Variants in LINGO2 observed in about 807,000 individuals in gnomAD.
LINGO2 encodes leucine rich repeat and Ig domain containing 2, also known as leucine-rich repeat and immunoglobulin-like domain-containing nogo receptor-interacting protein 2.
LINGO2 carries 14 observed loss-of-function variants against 30.6 expected under a neutral mutation model. The observed-to-expected ratio is 0.46, with a 90% CI of 0.30 to 0.72. LINGO2 has a LOEUF of 0.72. Among genes scored for constraint, LINGO2 ranks in the 30% least tolerant of loss-of-function variants. The pLI, the probability that LINGO2 is intolerant of heterozygous loss-of-function variation, is 0.07. For missense variants in LINGO2, 729 were observed against 751.7 expected (o/e 0.97, Z 0.35); for synonymous variants, 317 against 288.5 (o/e 1.10, Z -1.00).
At chr9:28,577,647 G>T (rs1233341738) in intron 1 of LINGO2, among the ~76,000 whole-genome samples, 1 of 152,132 alleles carries the variant, frequency 6.6e-6, no homozygotes, top group African/African-American at 2.4e-5. Flanking sequence ...TGGGCAGCAG[G>T]CAAGATGAAA....
chr9:28,520,932 A>G (rs1465673093), intron 1 of LINGO2, among the ~76,000 whole-genome samples: 2 of 152,038 alleles, frequency 1.3e-5, no homozygotes, highest in Non-Finnish European at 2.9e-5. Flanking sequence ...TACCTGCATC[A>G]CTCTTTGATT....
chr9:29,044,185 TA>T, the LINGO2 span, among the ~76,000 whole-genome samples: 27 of 152,096 alleles, frequency 1.8e-4, no homozygotes, highest in African/African-American at 5.5e-4. Flanking sequence ...ACAATACTGC[TA>T]AAATAATTAT....
intron 1 of LINGO2, among the ~76,000 whole-genome samples, chr9:28,510,221 C>G (rs1263066387): frequency 6.6e-6 from 1 of 152,038 alleles, no homozygotes; most frequent in Non-Finnish European, 1.5e-5. Context: ...TTAGGGGTAC[C>G]AACTCCTCAT....
At chr9:28,272,861 A>G (rs898287165) in intron 4 of LINGO2, among the ~76,000 whole-genome samples, 3 of 152,000 alleles carry the variant, frequency 2.0e-5, no homozygotes, top group Non-Finnish European at 2.9e-5. Flanking sequence ...AACTGAACCA[A>G]TCTCCAAGGA....
intron 1 of LINGO2, among the ~76,000 whole-genome samples, chr9:28,667,550 T>A (rs1828851501): frequency 6.6e-6 from 1 of 151,932 alleles, no homozygotes; most frequent in African/African-American, 2.4e-5. Context: ...TCAAGAGCAG[T>A]CTGGCCAACA....
the LINGO2 span, among the ~76,000 whole-genome samples, chr9:28,794,350 C>T: frequency 6.6e-6 from 1 of 152,086 alleles, no homozygotes; most frequent in African/African-American, 2.4e-5. Context: ...ATTGATAGTT[C>T]TGATTGGGAA....
chr9:28,785,472 T>C, the LINGO2 span, among the ~76,000 whole-genome samples: 3 of 152,168 alleles, frequency 2.0e-5, no homozygotes, highest in African/African-American at 7.2e-5. Context: ...TATACAGAAA[T>C]CGCTTTGCTT....
intron 4 of LINGO2, among the ~76,000 whole-genome samples, chr9:28,026,171 G>A (rs1269252278): frequency 6.6e-6 from 1 of 152,050 alleles, no homozygotes; most frequent in African/African-American, 2.4e-5. Context: ...TGTTTATTCT[G>A]GTAAGTTTAA....
the LINGO2 span, among the ~76,000 whole-genome samples, chr9:29,189,036 G>A: frequency 8.7e-6 from 1 of 114,502 alleles, no homozygotes; most frequent in African/African-American, 3.0e-5. Context: ...CTCCCAGACG[G>A]GGCGGCTGGC....
chr9:29,048,182 T>C, the LINGO2 span, among the ~76,000 whole-genome samples: 2 of 151,104 alleles, frequency 1.3e-5, no homozygotes, highest in South Asian at 2.1e-4. Context: ...CAATGAAAAA[T>C]GTGAAAAAGA....
At chr9:28,835,471 T>C in the LINGO2 span, among the ~76,000 whole-genome samples, 1 of 152,206 alleles carries the variant, frequency 6.6e-6, no homozygotes, top group Non-Finnish European at 1.5e-5. Flanking sequence ...TTCCACTTAG[T>C]CCACAGATTT....
At chr9:28,591,861 G>T (rs1168316103) in intron 1 of LINGO2, among the ~76,000 whole-genome samples, 6 of 152,022 alleles carry the variant, frequency 3.9e-5, no homozygotes, top group Non-Finnish European at 8.8e-5. Flanking sequence ...AGCTGTCAGT[G>T]CCCACACTTG....
At chr9:28,517,717 A>C (rs1820675355) in intron 1 of LINGO2, among the ~76,000 whole-genome samples, 1 of 152,124 alleles carries the variant, frequency 6.6e-6, no homozygotes, top group Non-Finnish European at 1.5e-5. Context: ...AGCAATAATA[A>C]TTTTCAAGCA....
intron 4 of LINGO2, among the ~76,000 whole-genome samples, chr9:28,244,772 T>C (rs538117392): frequency 4.7e-4 from 70 of 148,144 alleles, no homozygotes; most frequent in African/African-American, 1.6e-3. Flanking sequence ...AATCCTTGCA[T>C]AGACCAATAA....
At chr9:28,363,060 C>T (rs965705027) in intron 3 of LINGO2, among the ~76,000 whole-genome samples, 10 of 152,218 alleles carry the variant, frequency 6.6e-5, no homozygotes, top group East Asian at 1.9e-4. Flanking sequence ...TGAGTATCTA[C>T]GGCAGGCCAA....
chr9:29,009,047 G>T, the LINGO2 span, among the ~76,000 whole-genome samples: 2 of 152,080 alleles, frequency 1.3e-5, no homozygotes, highest in Non-Finnish European at 2.9e-5. Flanking sequence ...AATAATAAGA[G>T]CTACTTATGA....
At chr9:28,016,876 A>C (rs201657331) in intron 4 of LINGO2, among the ~76,000 whole-genome samples, 1 of 151,748 alleles carries the variant, frequency 6.6e-6, no homozygotes, top group Non-Finnish European at 1.5e-5. Context: ...CTTAGCAGAG[A>C]CAACAACAAC....
At chr9:29,186,540 C>G in the LINGO2 span, among the ~76,000 whole-genome samples, 2 of 151,912 alleles carry the variant, frequency 1.3e-5, no homozygotes, top group Non-Finnish European at 2.9e-5. Context: ...GTAAAAAGAT[C>G]CAGAAAATTG....
At chr9:28,373,579 A>G (rs1188494338) in intron 2 of LINGO2, among the ~76,000 whole-genome samples, 2 of 152,178 alleles carry the variant, frequency 1.3e-5, no homozygotes, top group Non-Finnish European at 2.9e-5. Flanking sequence ...GAAAAAAACT[A>G]ACATAAAACA....
Sources: allele counts gnomAD v4.1 joint callset (sites outside exome capture counted in the v4.1 genomes callset), GRCh38; gene constraint gnomAD v4.1.1; transcripts MANE v1.5; gene names NCBI Gene and HGNC (gene_info 2026-07-23, HGNC 2026-07-21).